Variants in PRLR observed in about 807,000 individuals in gnomAD.
The protein encoded by PRLR is hPRL receptor.
Under a neutral mutation model 40.2 loss-of-function variants are expected in PRLR, and 13 were observed. The observed-to-expected ratio is 0.32, with a 90% CI of 0.21 to 0.51. The LOEUF (loss-of-function observed/expected upper bound fraction) is 0.51. PRLR is among the 20% of genes least tolerant of loss of function. The probability of loss-of-function intolerance (pLI) is 0.97; values close to 1 mark genes in which losing one functional copy is unlikely to be tolerated. For synonymous variants in PRLR, 269 were observed against 278.7 expected, an observed-to-expected ratio of 0.97 and a Z score of 0.35; for missense variants, 656 against 747.3, an observed-to-expected ratio of 0.88 and a Z score of 1.42.
intron 1 of PRLR, among the ~76,000 whole-genome samples, chr5:35,172,511 T>C (rs1775030561): frequency 1.3e-5 from 2 of 152,220 alleles, no homozygotes; most frequent in Admixed American, 6.5e-5. Context: ...TTGTGGTGAC[T>C]GTCCCACCCT....
chr5:35,170,893 G>A (rs1579760055), intron 1 of PRLR, among the ~76,000 whole-genome samples: 1 of 152,190 alleles, frequency 6.6e-6, no homozygotes, highest in East Asian at 1.9e-4. Flanking sequence ...ACCAGGCACT[G>A]TAATAGGCAC....
At chr5:35,115,040 C>T (rs1300365448) in intron 2 of PRLR, among the ~76,000 whole-genome samples, 3 of 152,198 alleles carry the variant, frequency 2.0e-5, no homozygotes, top group Non-Finnish European at 4.4e-5. Flanking sequence ...AACTTTCAAT[C>T]ACGATAGAAA....
intron 2 of PRLR, among the ~76,000 whole-genome samples, chr5:35,107,934 T>C (rs1772380305): frequency 6.6e-6 from 1 of 152,166 alleles, no homozygotes; most frequent in Non-Finnish European, 1.5e-5. Context: ...AAGAGAATTT[T>C]AGACCAATAT....
chr5:35,228,774 G>A (rs1776616908), intron 1 of PRLR, among the ~76,000 whole-genome samples: 1 of 152,112 alleles, frequency 6.6e-6, no homozygotes, highest in South Asian at 2.1e-4. Flanking sequence ...CTTCAGCAGC[G>A]TGGCTGACTC....
intron 1 of PRLR, among the ~76,000 whole-genome samples, chr5:35,202,778 A>C (rs951198692): frequency 7.9e-5 from 12 of 152,204 alleles, no homozygotes; most frequent in African/African-American, 2.7e-4. Flanking sequence ...CTGAAAGTAA[A>C]GTAATAATAT....
chr5:35,212,799 G>A lies in PRLR; in HGVS notation c.-106+17469C>T, dbSNP rs187182875. Among the ~76,000 whole-genome samples the A allele has an allele frequency of 9.8e-4, 149 of 152,280 alleles. 1 individual carries two copies. Among genetic ancestry groups the A allele is most frequent in the African/African-American group, 3.2e-3 (134 of 41,566 alleles). On this transcript the variant is annotated intron_variant, in intron 1 of 9. Coordinates refer to ENST00000618457, the MANE Select transcript of PRLR (RefSeq NM_000949.7). The stretch of plus-strand genomic sequence containing the variant: ...TGGGAGGAAGTCATAGCAGTTCAGG[G>A]TCAAGATCTAAATTTTGAGGCATCA...
chr5:35,153,765 A>ACTC (rs1774407906), intron 1 of PRLR, among the ~76,000 whole-genome samples: 1 of 151,936 alleles, frequency 6.6e-6, no homozygotes, highest in Admixed American at 6.6e-5. Context: ...CACTACACAC[A>ACTC]CACACACACA....
At chr5:35,143,944 C>G (rs929625494) in intron 1 of PRLR, among the ~76,000 whole-genome samples, 1 of 151,496 alleles carries the variant, frequency 6.6e-6, no homozygotes, top group Non-Finnish European at 1.5e-5. Context: ...ATCATGGGCC[C>G]GATCATAATT....
intron 9 of PRLR, among the ~76,000 whole-genome samples, chr5:35,067,160 A>T (rs895861780): frequency 3.9e-5 from 6 of 152,184 alleles, no homozygotes; most frequent in African/African-American, 1.4e-4. Flanking sequence ...CTGCTCTCTG[A>T]ACTTCAGCTT....
intron 2 of PRLR, among the ~76,000 whole-genome samples, chr5:35,104,649 G>A (rs1487515037): frequency 6.6e-6 from 1 of 152,170 alleles, no homozygotes; most frequent in South Asian, 2.1e-4. Flanking sequence ...AGATCGAACT[G>A]CAAGGTGGCA....
intron 1 of PRLR, among the ~76,000 whole-genome samples, chr5:35,187,341 T>A (rs6451188): frequency 1.3e-5 from 2 of 151,394 alleles, no homozygotes; most frequent in Non-Finnish European, 2.9e-5. Context: ...GCAGAGGTTG[T>A]AGTGAGCCGA....
At chr5:35,175,305 T>C (rs1775115550) in intron 1 of PRLR, among the ~76,000 whole-genome samples, 1 of 152,194 alleles carries the variant, frequency 6.6e-6, no homozygotes, top group Non-Finnish European at 1.5e-5. Flanking sequence ...ACAAGCTCTC[T>C]CTCTTTGCCT....
At chr5:35,177,229 G>T (rs1217454131) in intron 1 of PRLR, among the ~76,000 whole-genome samples, 1 of 151,990 alleles carries the variant, frequency 6.6e-6, no homozygotes, top group African/African-American at 2.4e-5. Context: ...TATGCTGAAC[G>T]CTGGTTCCCC....
intron 1 of PRLR, among the ~76,000 whole-genome samples, chr5:35,146,535 G>T (rs1774186748): frequency 6.6e-6 from 1 of 152,158 alleles, no homozygotes; most frequent in African/African-American, 2.4e-5. Flanking sequence ...GGGCTGGGGA[G>T]GACCTCCATG....
intron 2 of PRLR, among the ~76,000 whole-genome samples, chr5:35,091,109 G>A (rs1771184471): frequency 6.6e-6 from 1 of 152,118 alleles, no homozygotes; most frequent in Non-Finnish European, 1.5e-5. Flanking sequence ...ACCGTGCCCG[G>A]CCAAGTAGCT....
At chr5:35,159,651 T>C (rs1774616566) in intron 1 of PRLR, among the ~76,000 whole-genome samples, 1 of 152,242 alleles carries the variant, frequency 6.6e-6, no homozygotes, top group East Asian at 1.9e-4. Context: ...CAGCTGTTTT[T>C]ATAGAAACCC....
chr5:35,131,214 T>C (rs1773658646), intron 1 of PRLR, among the ~76,000 whole-genome samples: 2 of 152,116 alleles, frequency 1.3e-5, no homozygotes, highest in Admixed American at 1.3e-4. Flanking sequence ...TTTTAATCAG[T>C]GAAAAAAGTT....
At chr5:35,150,779 C>G (rs376945137) in intron 1 of PRLR, among the ~76,000 whole-genome samples, 17 of 152,236 alleles carry the variant, frequency 1.1e-4, no homozygotes, top group Middle Eastern at 6.8e-3. Context: ...ATTTCACATG[C>G]CTTAGAGGAG....
chr5:35,172,343 GA>G (rs202202174), intron 1 of PRLR, among the ~76,000 whole-genome samples: 2,093 of 152,250 alleles, frequency 0.014, 31 homozygotes, highest in Non-Finnish European at 0.017. Context: ...CTCCCAGGAT[GA>G]GCTTGACCCA....
Sources: gnomAD v4.1 joint callset for allele counts (sites outside exome capture counted in the v4.1 genomes callset) on GRCh38, gnomAD v4.1.1 for gene constraint, MANE v1.5 for transcripts, NCBI Gene and HGNC (gene_info 2026-07-23, HGNC 2026-07-21) for gene names.